The following CPXM2 variants were observed in gnomAD, a reference collection of about 807,000 sequenced individuals.
CPXM2 encodes carboxypeptidase X, M14 family member 2.
Under a neutral mutation model 86.1 loss-of-function variants are expected in CPXM2, and 66 were observed. The observed-to-expected ratio is 0.77, with a 90% CI of 0.63 to 0.94. The LOEUF is 0.94. Among genes scored for constraint, CPXM2 ranks in the 40% least tolerant of loss-of-function variants. The probability of loss-of-function intolerance (pLI) is 0.00; values close to 1 mark genes in which losing one functional copy is unlikely to be tolerated. For synonymous variants in CPXM2, 388 were observed against 400.2 expected, an observed-to-expected ratio of 0.97 and a Z score of 0.36; for missense variants, 948 against 1,026.3, an observed-to-expected ratio of 0.92 and a Z score of 1.04.
intron 3 of CPXM2, among the ~76,000 whole-genome samples, chr10:123,853,331 G>A (rs1413677070): frequency 6.6e-6 from 1 of 152,198 alleles, no homozygotes; most frequent in Non-Finnish European, 1.5e-5. Context: ...TTATAGCAGT[G>A]AGAGAATGGA....
At chr10:123,941,692 T>C (rs959554252), upstream of CPXM2, among the ~76,000 whole-genome samples, 5 of 152,214 alleles carry the variant, frequency 3.3e-5, no homozygotes, top group Admixed American at 2.6e-4. Context: ...CCCTCCCACC[T>C]GCAGCGGACG....
At chr10:123,943,963 A>G (rs1945800734), upstream of CPXM2, among the ~76,000 whole-genome samples, 1 of 152,190 alleles carries the variant, frequency 6.6e-6, no homozygotes, top group Non-Finnish European at 1.5e-5. Context: ...CATCCTAATT[A>G]AAGAGACCAT....
intron 7 of CPXM2, among the ~76,000 whole-genome samples, chr10:123,778,741 T>C (rs898689569): frequency 6.6e-6 from 1 of 152,214 alleles, no homozygotes; most frequent in Non-Finnish European, 1.5e-5. Flanking sequence ...TGTCCTGAGA[T>C]GTCCAGTGAG....
At chr10:123,873,071 G>A (rs1203836513) in intron 2 of CPXM2, among the ~76,000 whole-genome samples, 1 of 152,018 alleles carries the variant, frequency 6.6e-6, no homozygotes, top group Admixed American at 6.6e-5. Flanking sequence ...TGCCAACACA[G>A]TAAAGGAAAA....
chr10:123,902,687 G>T (rs1014026662), intron 2 of CPXM2, among the ~76,000 whole-genome samples: 1 of 152,126 alleles, frequency 6.6e-6, no homozygotes, highest in African/African-American at 2.4e-5. Context: ...TCCCATTCAT[G>T]CGGGCTCCTC....
chr10:123,796,926 T>A (rs1044413144), intron 6 of CPXM2, among the ~76,000 whole-genome samples: 1 of 152,178 alleles, frequency 6.6e-6, no homozygotes, highest in African/African-American at 2.4e-5. Context: ...CATGAAGTGA[T>A]GAGGCCCTGT....
At position 123,768,600 on chromosome 10, in the gene CPXM2, G is replaced by C; in HGVS notation, c.1225C>G (p.His409Asp). The change falls in exon 9 of 14, where the codon CAC becomes GAC. Residue 409 changes from histidine to aspartate, a missense_variant. His to Asp is a moderately conservative substitution (Grantham distance 81). Transcript: ENST00000241305. ...EYLARNARIV[H>D]LVEETRIHVL... ...TGAATCCGCGTCTCCTCCACCAGGT[G>C]GACGATGCGCGCATTCCGGGCCAAG... 2 of 1,614,018 alleles carry C rather than the reference G, an allele frequency of 1.2e-6. No individual in the cohort carries two copies. The highest frequency in any genetic ancestry group is 1.7e-6 in the Non-Finnish European group (2 of 1,179,952).
chr10:123,867,490 C>G (rs1301791838), intron 2 of CPXM2, among the ~76,000 whole-genome samples: 3 of 144,286 alleles, frequency 2.1e-5, no homozygotes, highest in African/African-American at 5.1e-5. Context: ...TTCTTCTTTT[C>G]TTTCTACCTT....
At chr10:123,880,449 T>C (rs2134231250) in intron 1 of CPXM2, 140 bp from the exon 2 acceptor site, 2 of 599,714 alleles carry the variant, frequency 3.3e-6, no homozygotes, top group African/African-American at 3.7e-5. Flanking sequence ...TCTTGGACTT[T>C]AAGGAGTCTC....
intron 2 of CPXM2, among the ~76,000 whole-genome samples, chr10:123,898,873 T>C (rs1327186361): frequency 1.3e-5 from 2 of 152,092 alleles, no homozygotes; most frequent in African/African-American, 4.8e-5. Flanking sequence ...GCCTCCCAAG[T>C]AGCTGGGATT....
intron 2 of CPXM2, among the ~76,000 whole-genome samples, chr10:123,936,120 A>G (rs567550000): frequency 6.6e-5 from 10 of 152,392 alleles, no homozygotes; most frequent in African/African-American, 2.4e-4. Flanking sequence ...TTGATATTAA[A>G]CTTTTACTGG....
chr10:123,883,343 T>G (rs1395171514), intron 1 of CPXM2, among the ~76,000 whole-genome samples: 1 of 152,232 alleles, frequency 6.6e-6, no homozygotes, highest in Non-Finnish European at 1.5e-5. Flanking sequence ...CCTAAGGGCC[T>G]GGTTCCAGTC....
intron 4 of CPXM2, among the ~76,000 whole-genome samples, chr10:123,823,438 AG>A (rs1037006619): frequency 1.8e-4 from 27 of 152,206 alleles, no homozygotes; most frequent in Non-Finnish European, 2.9e-4. Context: ...AACTAGTAAG[AG>A]GTACCTAGAA....
chr10:123,818,782 A>T (rs1014147013), intron 4 of CPXM2, among the ~76,000 whole-genome samples: 2 of 152,186 alleles, frequency 1.3e-5, no homozygotes, highest in Non-Finnish European at 2.9e-5. Flanking sequence ...ACTCAGTGAC[A>T]ATACTTTGCA....
chr10:123,797,622 C>T (rs1260046058), intron 6 of CPXM2, among the ~76,000 whole-genome samples: 1 of 152,128 alleles, frequency 6.6e-6, no homozygotes, highest in Non-Finnish European at 1.5e-5. Context: ...TGTAGTGGTG[C>T]TATTTCGGCT....
chr10:123,900,729 A>G (rs974414367), intron 2 of CPXM2, among the ~76,000 whole-genome samples: 1 of 152,260 alleles, frequency 6.6e-6, no homozygotes, highest in African/African-American at 2.4e-5. Context: ...TATGAGTCCA[A>G]TGAAAATAAA....
intron 3 of CPXM2, among the ~76,000 whole-genome samples, chr10:123,844,163 T>C (rs1848447296): frequency 6.6e-6 from 1 of 151,994 alleles, no homozygotes; most frequent in Admixed American, 6.6e-5. Flanking sequence ...GCCCCAGAGA[T>C]GTTACAAAAT....
At chr10:123,938,451 G>A (rs1191059968) in intron 2 of CPXM2, among the ~76,000 whole-genome samples, 1 of 152,184 alleles carries the variant, frequency 6.6e-6, no homozygotes, top group Non-Finnish European at 1.5e-5. Flanking sequence ...GAGCATGTCT[G>A]TTCCCTAAGA....
At chr10:123,850,149 T>A (rs1024113161) in intron 3 of CPXM2, among the ~76,000 whole-genome samples, 1 of 152,236 alleles carries the variant, frequency 6.6e-6, no homozygotes, top group East Asian at 1.9e-4. Context: ...TATTTCACTG[T>A]AGTACATAAA....
Sources: gnomAD v4.1 joint callset for allele counts (sites outside exome capture counted in the v4.1 genomes callset) on GRCh38, gnomAD v4.1.1 for gene constraint, MANE v1.5 for transcripts, NCBI Gene and HGNC (gene_info 2026-07-23, HGNC 2026-07-21) for gene names.